Variants in C3orf18 observed in about 807,000 individuals in gnomAD.
C3orf18 encodes uncharacterized protein C3orf18.
In C3orf18, 12 loss-of-function variants were observed where a neutral mutation model predicts 14.1. That is an observed-to-expected ratio of 0.85 (90% confidence interval 0.55 to 1.38). The LOEUF (loss-of-function observed/expected upper bound fraction) is 1.38, where lower values mean the gene tolerates loss of function less well. Among genes scored for constraint, C3orf18 ranks in the 40% most tolerant of loss-of-function variants. The probability of loss-of-function intolerance (pLI) is 0.00; values close to 1 mark genes in which losing one functional copy is unlikely to be tolerated. For synonymous variants in C3orf18, 82 were observed against 87.9 expected (o/e 0.93, Z 0.38); for missense variants, 196 against 213.9 (o/e 0.92, Z 0.52).
In C3orf18 at chr3:50,564,692, C is replaced by A. The variant is rs374936228; in HGVS notation, c.234+774G>T. Among the ~76,000 whole-genome samples, 36 of 152,322 alleles carry A rather than the reference C, an allele frequency of 2.4e-4. No individual in the cohort carries two copies. In the East Asian group the frequency reaches 5.0e-3, roughly 21 times the overall value. On this transcript the variant is annotated intron_variant, in intron 3 of 5. Transcript: ENST00000357203. ...TGGGTTCCAAAGGCCTGGTCCAGGG[C>A]AGGTACTCAGTAAATAATTGCCAAG... is the stretch of plus-strand genomic sequence containing the variant.
At chr3:50,572,021 T>G, upstream of C3orf18, 1 of 1,575,790 alleles carries the variant, frequency 6.3e-7, no homozygotes, top group Non-Finnish European at 8.6e-7. Context: ...TGGTCTTGCC[T>G]GATACCTTTG....
Position 50,564,132 on chromosome 3 carries a change from A to T in C3orf18, c.234+1334T>A, listed in dbSNP as rs183672534. 6.6e-5 allele frequency among the ~76,000 whole-genome samples: 10 copies of T among 152,364 alleles called. No homozygotes were observed. The East Asian group carries it at 1.9e-3, about 29-fold the overall frequency. ...AGCTCCAACCAGGCCATGATGGGCC[A>T]TCCACAGCCCTACTTGTCAGAGCAA... On this transcript the variant is annotated intron_variant, in intron 3 of 5. Coordinates refer to ENST00000357203, the MANE Select transcript of C3orf18 (RefSeq NM_016210.5).
chr3:50,572,213 G>A, upstream of C3orf18: 2 of 1,609,400 alleles, frequency 1.2e-6, no homozygotes, highest in Non-Finnish European at 1.7e-6. Flanking sequence ...ACAGAGGTAG[G>A]TGTGCCACCA....
chr3:50,572,245 ATGG>A (rs1455384573), upstream of C3orf18: 4 of 1,568,560 alleles, frequency 2.6e-6, no homozygotes, highest in Non-Finnish European at 3.5e-6. Flanking sequence ...GATCAGGATG[ATGG>A]TGGAGTTCAG....
Position 50,560,965 on chromosome 3 carries a change from G to A in C3orf18, c.360C>T (p.Asp120=), listed in dbSNP as rs41291736. The A allele has an allele frequency of 0.11, 180,564 of 1,613,950 alleles. 11,088 individuals are homozygous for A. The highest frequency in any genetic ancestry group is 0.17 in the Middle Eastern group (1,003 of 6,028). Residue 120 remains aspartate, a synonymous_variant, in exon 5 of 6, where the codon GAC becomes GAT. Coordinates refer to ENST00000357203, the MANE Select transcript of C3orf18 (RefSeq NM_016210.5). ...AAGTAGCAGCCTGTACAGAGGCGGC[G>A]TCCCGCCCATGCTCCAGCAGCTCCT... ...LEQELLEHGR[D]AASVQAATSV...
Position 50,558,762 on chromosome 3 carries a change from T to C in C3orf18, c.*895A>G, listed in dbSNP as rs1699794871. 3 of 1,289,886 alleles carry C rather than the reference T, an allele frequency of 2.3e-6. No homozygotes were observed. Among genetic ancestry groups the C allele is most frequent in the Non-Finnish European group, 3.0e-6 (3 of 988,872 alleles). The allele number at this position is 1,289,886 out of a possible 1,614,324, so 79.9% of individuals were successfully genotyped here. A position where few individuals can be genotyped will look rare whatever the true frequency, so the allele number is the denominator to read the frequency against. On this transcript the variant is annotated 3_prime_UTR_variant, in exon 6 of 6. Transcript: ENST00000357203. ...GTGCTGTGCGTGCTTCCCTCTTCCC[T>C]GCAGTCCCTGAAGATTGAAGGCAGA...
upstream of C3orf18, chr3:50,571,040 A>G (rs1461091025): frequency 4.6e-6 from 6 of 1,296,430 alleles, no homozygotes; most frequent in African/African-American, 8.9e-5. Flanking sequence ...CACTCACCTC[A>G]GCAGCTGACA....
intron 5 of C3orf18, 95 bp from the exon 6 acceptor site, chr3:50,559,832 A>G: frequency 1.4e-6 from 1 of 702,666 alleles, no homozygotes; most frequent in Non-Finnish European, 2.2e-6. Flanking sequence ...GTGCCTGCTT[A>G]TGCTTGGCAC....
Position 50,559,433 on chromosome 3 carries a change from C to G in C3orf18, c.*224G>C. 2 of 1,400,026 alleles carry G rather than the reference C, an allele frequency of 1.4e-6. No homozygotes were observed. Among genetic ancestry groups the G allele is most frequent in the Non-Finnish European group, 1.9e-6 (2 of 1,077,374 alleles). 86.7% of individuals were successfully genotyped at this position (1,400,026 alleles called of 1,614,324 possible). Reference sequence around the variant, plus strand: ...TGAGGGATGCCCTCTGTGCCAGGGCCCTCAGGTCAGGAGAAGTCAGTGGTC... The same window carrying G: ...TGAGGGATGCCCTCTGTGCCAGGGCGCTCAGGTCAGGAGAAGTCAGTGGTC... On this transcript the variant is annotated 3_prime_UTR_variant, in exon 6 of 6. Transcript: ENST00000357203.
chr3:50,570,161 G>C (rs1173534594), upstream of C3orf18: 1 of 152,226 alleles, frequency 6.6e-6, no homozygotes, highest in Non-Finnish European at 1.5e-5. Context: ...GTTTCTACCT[G>C]AGTGACGCTG....
chr3:50,571,349 T>C, upstream of C3orf18: 1 of 1,542,944 alleles, frequency 6.5e-7, no homozygotes, highest in South Asian at 1.2e-5. Flanking sequence ...TTTAGTGTTG[T>C]CAAGAGGACA....
upstream of C3orf18, among the ~76,000 whole-genome samples, chr3:50,574,515 G>T (rs1256633339): frequency 5.9e-5 from 9 of 152,174 alleles, no homozygotes; most frequent in African/African-American, 2.2e-4. Flanking sequence ...TCTGTGAGGT[G>T]GCTGGCCAGT....
Position 50,560,985 on chromosome 3 carries a change from G to T in C3orf18, c.340C>A (p.Leu114Met). ...GCGGCGTCCCGCCCATGCTCCAGCA[G>T]CTCCTGCTCCAACTCATCTTGTTCC... ...TEEQDELEQE[L>M]LEHGRDAASV... Residue 114 changes from leucine (L) to methionine (M), a missense_variant, in exon 5 of 6, where the codon CTG becomes ATG. Coordinates refer to ENST00000357203, the MANE Select transcript of C3orf18 (RefSeq NM_016210.5). 6.2e-7 allele frequency: 1 copy of T among 1,614,162 alleles called. No homozygotes were observed. The highest frequency in any genetic ancestry group is 8.5e-7 in the Non-Finnish European group (1 of 1,180,000).
At position 50,559,602 on chromosome 3, in the gene C3orf18, C is replaced by G; in HGVS notation, c.*55G>C. 6.7e-7 allele frequency: 1 copy of G among 1,490,050 alleles called. No individual in the cohort carries two copies. Among genetic ancestry groups the G allele is most frequent in the East Asian group, 2.5e-5 (1 of 39,516 alleles). 92.3% of individuals were successfully genotyped at this position (1,490,050 alleles called of 1,614,324 possible). On this transcript the variant is annotated 3_prime_UTR_variant, in exon 6 of 6. Coordinates refer to ENST00000357203, the MANE Select transcript of C3orf18 (RefSeq NM_016210.5). ...GTCTTGACAATCAGGGAGTGGGGAG[C>G]TCTGTAGGCACCGTGATGGGTCTCT...
upstream of C3orf18, chr3:50,572,212 G>A (rs375510780): frequency 6.2e-7 from 1 of 1,609,426 alleles, no homozygotes; most frequent in Non-Finnish European, 8.5e-7. Flanking sequence ...AACAGAGGTA[G>A]GTGTGCCACC....
chr3:50,571,743 C>A, upstream of C3orf18: 1 of 1,614,174 alleles, frequency 6.2e-7, no homozygotes, highest in Non-Finnish European at 8.5e-7. Flanking sequence ...TTGGACCCAG[C>A]CCTTGACCTC....
At chr3:50,568,525 G>C (rs1405552419), upstream of C3orf18, among the ~76,000 whole-genome samples, 1 of 151,944 alleles carries the variant, frequency 6.6e-6, no homozygotes, top group Admixed American at 6.6e-5. Context: ...TCAGGAGTTC[G>C]AGACCAGCCT....
At position 50,565,303 on chromosome 3, in the gene C3orf18, G is replaced by T. The variant is rs369294085; in HGVS notation, c.234+163C>A. ...ACTCGATTAAGCCCCAGAGGTGGAG[G>T]TTGCAGTGAGCTGAGATCAAGCCAT... is the stretch of plus-strand genomic sequence containing the variant. On this transcript the variant is annotated intron_variant, in intron 3 of 5. Transcript: ENST00000357203. The surrounding 1 kb of genome is among the most constrained non-coding windows in gnomAD (Gnocchi z 4.4). 1.6e-6 allele frequency: 1 copy of T among 616,962 alleles called. No homozygotes were observed. The highest frequency in any genetic ancestry group is 2.9e-6 in the Non-Finnish European group (1 of 347,490). 38.2% of individuals were successfully genotyped at this position (616,962 alleles called of 1,614,324 possible).
upstream of C3orf18, among the ~76,000 whole-genome samples, chr3:50,568,306 G>A (rs985877582): frequency 2.0e-5 from 3 of 152,116 alleles, no homozygotes; most frequent in African/African-American, 7.2e-5. Flanking sequence ...CTCAGGGAAG[G>A]AGCCCTCAGA....
Sources: gnomAD v4.1 joint callset for allele counts (sites outside exome capture counted in the v4.1 genomes callset) on GRCh38, gnomAD v4.1.1 for gene constraint, Gnocchi (gnomAD v3.1) non-coding constraint, MANE v1.5 for transcripts, NCBI Gene and HGNC (gene_info 2026-07-23, HGNC 2026-07-21) for gene names.